Variants in FYCO1 observed in about 807,000 individuals in gnomAD.
FYCO1 encodes FYVE and coiled-coil domain autophagy adaptor 1.
FYCO1 carries 122 observed loss-of-function variants against 165.1 expected under a neutral mutation model. The observed-to-expected ratio is 0.74, with a 90% CI of 0.64 to 0.86. The LOEUF is 0.86. FYCO1 is among the 40% of genes least tolerant of loss of function. FYCO1 has a pLI of 0.00. For synonymous variants in FYCO1, 648 were observed against 742.5 expected, an observed-to-expected ratio of 0.87 and a Z score of 2.07; for missense variants, 1,702 against 1,810.3, an observed-to-expected ratio of 0.94 and a Z score of 1.09.
Position 45,967,959 on chromosome 3 carries a change from A to G in FYCO1, c.1375T>C (p.Leu459=), listed in dbSNP as rs551598833. ...VKEMAPLQEE[L]SGKGQEADQL... is the part of the protein sequence containing the mutation. ...TCTGCCTCCTGTCCCTTCCCAGACAACTCCTCCTGGAGTGGGGCCATCTCC... is the reference window on the plus strand; with the variant it reads ...TCTGCCTCCTGTCCCTTCCCAGACAGCTCCTCCTGGAGTGGGGCCATCTCC... The change falls in exon 8 of 18, where the codon TTG becomes CTG. Residue 459 remains leucine, a synonymous_variant. Transcript: ENST00000296137. The G allele has an allele frequency of 2.5e-6, 4 of 1,613,160 alleles. No individual in the cohort carries two copies. In the East Asian group the frequency reaches 8.9e-5, roughly 36 times the overall value.
intron 6 of FYCO1, among the ~76,000 whole-genome samples, chr3:45,971,513 C>T (rs1484423174): frequency 6.6e-6 from 1 of 152,184 alleles, no homozygotes; most frequent in Non-Finnish European, 1.5e-5. Context: ...CCAGGGTTAA[C>T]CTCATTAGTA....
intron 6 of FYCO1, among the ~76,000 whole-genome samples, chr3:45,972,063 G>C (rs769942801): frequency 6.6e-6 from 1 of 152,138 alleles, no homozygotes; most frequent in African/African-American, 2.4e-5. Context: ...GTAAAATATC[G>C]ATAACTAGGG....
At chr3:45,990,260 C>T (rs1032381729) in intron 1 of FYCO1, among the ~76,000 whole-genome samples, 7 of 152,066 alleles carry the variant, frequency 4.6e-5, no homozygotes, top group African/African-American at 9.7e-5. Context: ...TTTGGCAGCA[C>T]GATTAAGAGG....
chr3:45,965,084 C>T lies in FYCO1; in HGVS notation c.3099G>A (p.Glu1033=). 1 of 1,614,152 alleles carries T rather than the reference C, an allele frequency of 6.2e-7. No homozygotes were observed. The highest frequency in any genetic ancestry group is 8.5e-7 in the Non-Finnish European group (1 of 1,180,028). ...CAGCCTGCAGCTGCCGGCCTTGCTC[C>T]TCAAGCTGGCCCCTGAGGCTCTTGC... The part of the protein sequence containing the change: ...EECKSLRGQL[E]EQGRQLQAAE... Residue 1033 remains glutamate, a synonymous_variant, in exon 9 of 18, where the codon GAG becomes GAA. Coordinates refer to ENST00000296137, the MANE Select transcript of FYCO1 (RefSeq NM_024513.4).
chr3:45,966,660 C>T lies in FYCO1; in HGVS notation c.2674G>A (p.Ala892Thr), dbSNP rs756572673. 15 of 1,614,016 alleles carry T rather than the reference C, an allele frequency of 9.3e-6. No homozygotes were observed. The highest frequency in any genetic ancestry group is 3.3e-5 in the Admixed American group (2 of 60,014). Residue 892 changes from alanine (A) to threonine (T), a missense_variant, in exon 8 of 18, where the codon GCT becomes ACT. Ala to Thr is a moderately conservative substitution (Grantham distance 58). Coordinates refer to ENST00000296137, the MANE Select transcript of FYCO1 (RefSeq NM_024513.4). Reference sequence around the variant, plus strand: ...CGGTGCAGCTGCTCTTGCAGCTCAGCGTGCTCCAGCTGTGCTTCCTCGGAG... The same window carrying T: ...CGGTGCAGCTGCTCTTGCAGCTCAGTGTGCTCCAGCTGTGCTTCCTCGGAG... ...CSSEEAQLEH[A>T]ELQEQLHRAN...
At chr3:45,981,958 G>A (rs1247105519) in intron 2 of FYCO1, among the ~76,000 whole-genome samples, 1 of 152,210 alleles carries the variant, frequency 6.6e-6, no homozygotes, top group Non-Finnish European at 1.5e-5. Context: ...ATAGTAGCTG[G>A]ACAACAAATG....
Position 45,966,975 on chromosome 3 carries a change from G to A in FYCO1, c.2359C>T (p.Arg787Trp), listed in dbSNP as rs200040076. Residue 787 changes from arginine (R) to tryptophan (W), a missense_variant, in exon 8 of 18, where the codon CGG becomes TGG. By Grantham distance (101) the Arg-to-Trp change is moderately radical. Transcript: ENST00000296137. ...AGGTCCACCACCTGAGCCTGCAGCCGTTGGACCTCCCCCTGATGGACTTCC... is the reference window on the plus strand; with the variant it reads ...AGGTCCACCACCTGAGCCTGCAGCCATTGGACCTCCCCCTGATGGACTTCC... Reference protein sequence around the residue: ...QLEVHQGEVQRLQAQVVDLQA... With the variant: ...QLEVHQGEVQWLQAQVVDLQA... The A allele has an allele frequency of 5.6e-5, 90 of 1,613,334 alleles. 1 individual carries two copies. The highest frequency in any genetic ancestry group is 5.1e-4 in the East Asian group (23 of 44,874).
rs1195420459 is a variant in FYCO1 at position 45,967,561 on chromosome 3, C to A, written c.1773G>T (p.Glu591Asp). Residue 591 changes from glutamate (E) to aspartate (D), a missense_variant, in exon 8 of 18, where the codon GAG becomes GAT. Transcript: ENST00000296137. ...ACTGTGCCTCCTGCAGGCCCCTCTG[C>A]TCCTCCTCTGGCTTCCCCCAGGCCT... ...LQEAWGKPEEEQRGLQEAQLD... is the reference protein window; with the variant it reads ...LQEAWGKPEEDQRGLQEAQLD... The A allele has an allele frequency of 6.2e-7, 1 of 1,614,066 alleles. No individual in the cohort carries two copies. The highest frequency in any genetic ancestry group is 8.5e-7 in the Non-Finnish European group (1 of 1,180,004).
chr3:45,947,448 G>A (rs761406533), intron 14 of FYCO1: 2 of 1,614,184 alleles, frequency 1.2e-6, no homozygotes, highest in Non-Finnish European at 1.7e-6. Flanking sequence ...ATCTTCTGAG[G>A]ACAATTCCAA....
intron 1 of FYCO1, among the ~76,000 whole-genome samples, chr3:45,992,110 T>A (rs975031723): frequency 6.6e-6 from 1 of 152,226 alleles, no homozygotes; most frequent in Non-Finnish European, 1.5e-5. Context: ...AAAGTACATT[T>A]CTGCTGCTTA....
intron 5 of FYCO1, among the ~76,000 whole-genome samples, chr3:45,974,119 C>CT (rs1706596252): frequency 6.6e-6 from 1 of 152,158 alleles, no homozygotes; most frequent in African/African-American, 2.4e-5. Context: ...TGGCTCACAC[C>CT]TGTAATCCTA....
At chr3:45,946,403 G>A (rs1013200345) in intron 14 of FYCO1, 17 of 1,301,910 alleles carry the variant, frequency 1.3e-5, no homozygotes, top group Middle Eastern at 2.0e-4. Context: ...TGGGATAGCA[G>A]GAAGACAAAG....
intron 8 of FYCO1, 38 bp from the exon 9 acceptor site, chr3:45,965,163 G>T (rs1270482643): frequency 6.5e-7 from 1 of 1,529,622 alleles, no homozygotes; most frequent in Non-Finnish European, 9.0e-7. Context: ...ATAAAAGTAG[G>T]GTCCTTGCTC....
chr3:45,946,490 G>A, intron 14 of FYCO1: 1 of 1,612,630 alleles, frequency 6.2e-7, no homozygotes, highest in East Asian at 2.2e-5. Context: ...CCATGGCAGA[G>A]CATGATTACC....
intron 7 of FYCO1, among the ~76,000 whole-genome samples, chr3:45,969,118 C>T (rs1706277083): frequency 6.6e-6 from 1 of 152,182 alleles, no homozygotes; most frequent in African/African-American, 2.4e-5. Context: ...TCTTAATGCT[C>T]CTTATATTGA....
chr3:45,935,434 C>T (rs1175192646), intron 15 of FYCO1, among the ~76,000 whole-genome samples: 1 of 152,196 alleles, frequency 6.6e-6, no homozygotes, highest in East Asian at 1.9e-4. Flanking sequence ...CCCTCATTTC[C>T]ACTCTGACTC....
At chr3:45,939,233 G>A (rs1278601872) in intron 14 of FYCO1, among the ~76,000 whole-genome samples, 2 of 152,242 alleles carry the variant, frequency 1.3e-5, no homozygotes, top group African/African-American at 4.8e-5. Context: ...TGGGCAGCCT[G>A]CTGTGCACAC....
At chr3:45,978,895 C>T (rs1440324137) in intron 4 of FYCO1, among the ~76,000 whole-genome samples, 2 of 144,102 alleles carry the variant, frequency 1.4e-5, no homozygotes, top group Non-Finnish European at 3.0e-5. Context: ...CTCGCTCTGT[C>T]GCCCAGGCTG....
chr3:45,963,316 G>A (rs202147558), intron 10 of FYCO1, among the ~76,000 whole-genome samples: 3 of 152,114 alleles, frequency 2.0e-5, no homozygotes, highest in African/African-American at 4.8e-5. Context: ...AATGCTCTGA[G>A]ATCTTACAAA....
Sources: allele counts gnomAD v4.1 joint callset (sites outside exome capture counted in the v4.1 genomes callset), GRCh38; gene constraint gnomAD v4.1.1; transcripts MANE v1.5; gene names NCBI Gene and HGNC (gene_info 2026-07-23, HGNC 2026-07-21).